LRRC8C: variants seen among roughly 807,000 people sequenced by gnomAD.
The protein encoded by LRRC8C is volume-regulated anion channel subunit LRRC8C.
A neutral mutation model predicts 55.3 loss-of-function variants in LRRC8C; 20 were observed. The ratio of observed to expected loss-of-function variants is 0.36; its 90% CI spans 0.25 to 0.53. The LOEUF is 0.53. Among genes scored for constraint, LRRC8C ranks in the 20% least tolerant of loss-of-function variants. The pLI, the probability that LRRC8C is intolerant of heterozygous loss-of-function variation, is 0.92. For synonymous variants in LRRC8C, 376 were observed against 360.7 expected, an observed-to-expected ratio of 1.04 and a Z score of -0.48; for missense variants, 659 against 951.4, an observed-to-expected ratio of 0.69 and a Z score of 4.04.
chr1:89,628,802 G>A (rs569248890), upstream of LRRC8C, among the ~76,000 whole-genome samples: 1 of 152,202 alleles, frequency 6.6e-6, no homozygotes, highest in South Asian at 2.1e-4. Context: ...GAGAAGATTA[G>A]AGTAAAATGT....
At chr1:89,621,617 G>A in the LRRC8C span, among the ~76,000 whole-genome samples, 17 of 152,326 alleles carry the variant, frequency 1.1e-4, no homozygotes, top group East Asian at 3.3e-3. Flanking sequence ...ATCACAATGT[G>A]CCCACCTGGG....
At chr1:89,685,819 G>A (rs1314021052) in intron 1 of LRRC8C, among the ~76,000 whole-genome samples, 1 of 99,242 alleles carries the variant, frequency 1.0e-5, no homozygotes, top group East Asian at 2.6e-4. Context: ...AGAAGTACAG[G>A]AAACAGAGAA....
intron 2 of LRRC8C, among the ~76,000 whole-genome samples, chr1:89,711,903 A>G (rs1447991927): frequency 6.6e-6 from 1 of 152,218 alleles, no homozygotes; most frequent in Non-Finnish European, 1.5e-5. Context: ...AAATTCATTC[A>G]TATTGATCTA....
At chr1:89,711,986 T>C (rs553908063) in intron 2 of LRRC8C, among the ~76,000 whole-genome samples, 5 of 152,350 alleles carry the variant, frequency 3.3e-5, no homozygotes, top group Non-Finnish European at 7.3e-5. Flanking sequence ...AGTTCCTCCT[T>C]CTTATCTTTC....
rs1213119290 is a variant in LRRC8C at position 89,717,071 on chromosome 1, A to T, written c.*2089A>T. On this transcript the variant is annotated 3_prime_UTR_variant, in exon 3 of 3. Coordinates refer to ENST00000370454, the MANE Select transcript of LRRC8C (RefSeq NM_032270.5). The stretch of plus-strand genomic sequence containing the variant: ...ATAACATGGTTATAGTTCTTGTATG[A>T]TAAAGTATTCAATTTCAGAATAGTG... 2.0e-5 allele frequency: 3 copies of T among 152,170 alleles called. No homozygotes were observed. The highest frequency in any genetic ancestry group is 2.9e-5 in the Non-Finnish European group (2 of 68,020). 9.4% of individuals were successfully genotyped at this position (152,170 alleles called of 1,614,324 possible).
At chr1:89,631,244 G>T (rs1468700874), upstream of LRRC8C, among the ~76,000 whole-genome samples, 1 of 152,174 alleles carries the variant, frequency 6.6e-6, no homozygotes, top group Non-Finnish European at 1.5e-5. Context: ...ATAAGGGGAT[G>T]TGGGTGGTGG....
chr1:89,648,696 A>C (rs1348849247), intron 1 of LRRC8C, among the ~76,000 whole-genome samples: 1 of 152,160 alleles, frequency 6.6e-6, no homozygotes, highest in African/African-American at 2.4e-5. Context: ...ATTTTAAAAC[A>C]TTTTTATCAC....
Position 89,713,877 on chromosome 1 carries a change from T to G in LRRC8C, c.1307T>G (p.Leu436Arg), listed in dbSNP as rs1049286212. The part of the protein sequence containing the change: ...LELPLIMLSG[L>R]PDTVFEITEL... ...TTGCCTCTTATCATGCTCTCTGGCC[T>G]TCCAGACACTGTTTTTGAAATCACA... Residue 436 changes from leucine (L) to arginine (R), a missense_variant, in exon 3 of 3, where the codon CTT (leucine) becomes CGT (arginine). Physicochemically the swap from Leu to Arg is moderately radical, Grantham distance 102. This residue lies in a region of LRRC8C where 344 missense variants were observed against 464.6 expected (regional missense o/e 0.74). Transcript: ENST00000370454. This position sits in a 1 kb window ranked among gnomAD's most constrained non-coding sequence, Gnocchi z 5.2. The G allele has an allele frequency of 6.2e-7, 1 of 1,614,072 alleles. No homozygotes were observed. Among genetic ancestry groups the G allele is most frequent in the Non-Finnish European group, 8.5e-7 (1 of 1,180,040 alleles).
intron 1 of LRRC8C, among the ~76,000 whole-genome samples, chr1:89,680,915 G>A (rs942174381): frequency 7.9e-5 from 12 of 152,144 alleles, no homozygotes; most frequent in East Asian, 7.7e-4. Flanking sequence ...AAAGGTTACC[G>A]AAGCAGAGAT....
At chr1:89,693,336 A>G (rs968183301) in intron 2 of LRRC8C, among the ~76,000 whole-genome samples, 1 of 152,232 alleles carries the variant, frequency 6.6e-6, no homozygotes. Context: ...GCTCATAGGC[A>G]GTTCACTGGA....
chr1:89,681,450 C>G (rs2101266807), intron 1 of LRRC8C, among the ~76,000 whole-genome samples: 1 of 152,278 alleles, frequency 6.6e-6, no homozygotes, highest in South Asian at 2.1e-4. Context: ...TCAATAAAAT[C>G]TGGTACATCT....
At chr1:89,666,525 CCT>C (rs1488862059) in intron 1 of LRRC8C, among the ~76,000 whole-genome samples, 2 of 152,126 alleles carry the variant, frequency 1.3e-5, no homozygotes, top group African/African-American at 4.8e-5. Flanking sequence ...ATAGAATTGT[CCT>C]TTTCCAGCTC....
intron 1 of LRRC8C, among the ~76,000 whole-genome samples, chr1:89,666,349 G>A (rs1391247003): frequency 3.3e-5 from 5 of 152,048 alleles, no homozygotes; most frequent in African/African-American, 1.2e-4. Context: ...CACCAACATG[G>A]CACACGTATA....
At chr1:89,653,118 T>C (rs1240670459) in intron 1 of LRRC8C, among the ~76,000 whole-genome samples, 1 of 152,178 alleles carries the variant, frequency 6.6e-6, no homozygotes, top group Non-Finnish European at 1.5e-5. Context: ...TGACTTGCGT[T>C]TTCAAAGGAT....
chr1:89,692,893 C>G (rs981616075), intron 2 of LRRC8C, among the ~76,000 whole-genome samples: 2 of 152,198 alleles, frequency 1.3e-5, no homozygotes, highest in Non-Finnish European at 2.9e-5. Flanking sequence ...CTTTAGATCT[C>G]TGCTCAGTGA....
At chr1:89,647,355 A>G (rs1656644918) in intron 1 of LRRC8C, among the ~76,000 whole-genome samples, 1 of 152,246 alleles carries the variant, frequency 6.6e-6, no homozygotes, top group Non-Finnish European at 1.5e-5. Flanking sequence ...TTGTCAGATA[A>G]GAATGCAGAT....
the LRRC8C span, among the ~76,000 whole-genome samples, chr1:89,617,745 C>G: frequency 3.3e-5 from 5 of 152,170 alleles, no homozygotes; most frequent in Non-Finnish European, 4.4e-5. Context: ...CACACTTCTG[C>G]CCAACTGGCT....
chr1:89,657,844 A>T (rs2101207133), intron 1 of LRRC8C, among the ~76,000 whole-genome samples: 1 of 152,280 alleles, frequency 6.6e-6, no homozygotes, highest in South Asian at 2.1e-4. Flanking sequence ...AAAAATTTTA[A>T]ACCTGAACTG....
chr1:89,690,025 T>C (rs1437539310), intron 2 of LRRC8C, among the ~76,000 whole-genome samples: 1 of 152,256 alleles, frequency 6.6e-6, no homozygotes, highest in East Asian at 1.9e-4. Context: ...ATGTTAGGTT[T>C]GTGATATATG....
Sources: allele counts gnomAD v4.1 joint callset (sites outside exome capture counted in the v4.1 genomes callset), GRCh38; gene constraint gnomAD v4.1.1; regional missense constraint gnomAD v4.1.1; non-coding constraint Gnocchi (gnomAD v3.1); transcripts MANE v1.5; gene names NCBI Gene and HGNC (gene_info 2026-07-23, HGNC 2026-07-21).